Variants in GMCL1 observed in about 807,000 individuals in gnomAD.
GMCL1 encodes germ cell-less 1, spermatogenesis associated.
Under a neutral mutation model 75.5 loss-of-function variants are expected in GMCL1, and 54 were observed. The ratio of observed to expected loss-of-function variants is 0.71; its 90% CI spans 0.57 to 0.90. The LOEUF (loss-of-function observed/expected upper bound fraction) is 0.90. Among genes scored for constraint, GMCL1 ranks in the 40% least tolerant of loss-of-function variants. The pLI, the probability that GMCL1 is intolerant of heterozygous loss-of-function variation, is 0.00. For synonymous variants in GMCL1, 210 were observed against 209.6 expected (o/e 1.00, Z -0.02); for missense variants, 537 against 622.7 (o/e 0.86, Z 1.47).
At chr2:69,846,199 A>T (rs904852321) in intron 6 of GMCL1, among the ~76,000 whole-genome samples, 7 of 152,156 alleles carry the variant, frequency 4.6e-5, no homozygotes, top group Admixed American at 4.6e-4. Flanking sequence ...GTCAAGGCAT[A>T]AATAAATCAC....
intron 11 of GMCL1, among the ~76,000 whole-genome samples, chr2:69,868,292 ATGTT>A (rs1675878656): frequency 6.6e-6 from 1 of 152,136 alleles, no homozygotes; most frequent in Non-Finnish European, 1.5e-5. Context: ...CAGAAACTGT[ATGTT>A]ATTTACTGCT....
Position 69,881,244 on chromosome 2 carries a change from T to A in GMCL1, c.*2240T>A, listed in dbSNP as rs1278420785. 6.6e-6 allele frequency: 1 copy of A among 152,244 alleles called. No homozygotes were observed. Among genetic ancestry groups the A allele is most frequent in the Non-Finnish European group, 1.5e-5 (1 of 68,040 alleles). 9.4% of individuals were successfully genotyped at this position (152,244 alleles called of 1,614,324 possible). A position where few individuals can be genotyped will look rare whatever the true frequency, so the allele number is the denominator to read the frequency against. The stretch of plus-strand genomic sequence containing the variant: ...TGTTCTTATTTGAGAAGTTGATAAT[T>A]GTCAGGTAGTAATTCACACTGGTAG... On this transcript the variant is annotated 3_prime_UTR_variant, in exon 14 of 14. Coordinates refer to ENST00000282570, the MANE Select transcript of GMCL1 (RefSeq NM_178439.5).
intron 9 of GMCL1, among the ~76,000 whole-genome samples, chr2:69,859,424 A>G (rs1252491388): frequency 4.0e-5 from 6 of 151,868 alleles, no homozygotes; most frequent in Admixed American, 3.3e-4. Flanking sequence ...AATTATCTGT[A>G]CTAGACACTT....
chr2:69,865,860 C>G (rs555705130), intron 11 of GMCL1, among the ~76,000 whole-genome samples: 1 of 152,126 alleles, frequency 6.6e-6, no homozygotes, highest in South Asian at 2.1e-4. Context: ...GCCTTTAACT[C>G]CCAGGCTCAA....
At position 69,830,107 on chromosome 2, in the gene GMCL1, A is replaced by G. The variant is rs754735670; in HGVS notation, c.215A>G (p.Glu72Gly). The G allele has an allele frequency of 7.6e-6, 12 of 1,579,104 alleles. No homozygotes were observed. The highest frequency in any genetic ancestry group is 1.0e-5 in the Non-Finnish European group (12 of 1,162,036). The change falls in exon 1 of 14, where the codon GAG becomes GGG. Residue 72 changes from glutamate (E) to glycine (G), a missense_variant. This residue lies in a region of GMCL1 where 144 missense variants were observed against 127.2 expected (regional missense o/e 1.13). Coordinates refer to ENST00000282570, the MANE Select transcript of GMCL1 (RefSeq NM_178439.5). ...CCTGACTCGGAGACGGACGAGGATG[A>G]GGAGGAGGGGGACGAGCAGCAGCGG... Reference protein sequence around the residue: ...CHPDSETDEDEEEGDEQQRLL... With the variant: ...CHPDSETDEDGEEGDEQQRLL...
At chr2:69,848,523 A>G (rs938053814) in intron 7 of GMCL1, among the ~76,000 whole-genome samples, 6 of 152,288 alleles carry the variant, frequency 3.9e-5, no homozygotes, top group Non-Finnish European at 8.8e-5. Flanking sequence ...CTTGGGTAAC[A>G]TGGCAAAAAC....
chr2:69,878,893 C>G lies in GMCL1; in HGVS notation c.1453-16C>G. 1 of 1,550,172 alleles carries G rather than the reference C, an allele frequency of 6.5e-7. No individual in the cohort carries two copies. The highest frequency in any genetic ancestry group is 1.1e-5 in the South Asian group (1 of 89,092). ...TTTTATCTAATTGTCATTGAATCTA[C>G]AAATCTGTCTTATAGGAACAAGTGG... On this transcript the variant is annotated splice_polypyrimidine_tract_variant and intron_variant, in intron 13 of 13. Transcript: ENST00000282570.
At position 69,845,207 on chromosome 2, in the gene GMCL1, G is replaced by A. The variant is rs111844726; in HGVS notation, c.758+1011G>A. On this transcript the variant is annotated intron_variant, in intron 6 of 13. Coordinates refer to ENST00000282570, the MANE Select transcript of GMCL1 (RefSeq NM_178439.5). The stretch of plus-strand genomic sequence containing the variant: ...AGAGGCTCCTGCAGTCAACTGCGCC[G>A]CCTTCGTCCTCAAGCGGGACCTGGT... Among the ~76,000 whole-genome samples, 833 of 152,314 alleles carry A rather than the reference G, an allele frequency of 5.5e-3. 8 individuals carry two copies. Among genetic ancestry groups the A allele is most frequent in the African/African-American group, 0.018 (761 of 41,570 alleles).
chr2:69,862,531 G>T (rs985524152), intron 10 of GMCL1, among the ~76,000 whole-genome samples: 3 of 152,072 alleles, frequency 2.0e-5, no homozygotes, highest in African/African-American at 7.2e-5. Context: ...AGGCCGGGGT[G>T]GGTGGATCAC....
intron 12 of GMCL1, among the ~76,000 whole-genome samples, chr2:69,871,070 A>G (rs1320734139): frequency 6.6e-6 from 1 of 152,242 alleles, no homozygotes; most frequent in Non-Finnish European, 1.5e-5. Context: ...ATTTTTGTAT[A>G]CTTATGTTCA....
rs762729456 is a variant in GMCL1, at chr2:69,869,858, C to G, written c.1358C>G (p.Ala453Gly). Residue 453 changes from alanine (A) to glycine (G), a missense_variant, in exon 12 of 14, where the codon GCA becomes GGA. Ala to Gly is a moderately conservative substitution (Grantham distance 60). This residue lies in a region of GMCL1 where 345 missense variants were observed against 410.5 expected (regional missense o/e 0.84). Coordinates refer to ENST00000282570, the MANE Select transcript of GMCL1 (RefSeq NM_178439.5). ...SVSLQPRRSI[A>G]FRLRLASFDS... is the part of the protein sequence containing the mutation. ...AGTTTACAGCCTCGAAGGAGCATAG[C>G]ATTTAGGTAGGATGAGATTTCCCCA... 6.2e-7 allele frequency: 1 copy of G among 1,612,986 alleles called. No individual in the cohort carries two copies. Among genetic ancestry groups the G allele is most frequent in the African/African-American group, 1.3e-5 (1 of 74,892 alleles).
At position 69,869,815 on chromosome 2, in the gene GMCL1, C is replaced by T. The variant is rs756212072; in HGVS notation, c.1315C>T (p.Pro439Ser). Residue 439 changes from proline to serine, a missense_variant, in exon 12 of 14, where the codon CCA becomes TCA. By Grantham distance (74) the Pro-to-Ser change is moderately conservative. Transcript: ENST00000282570. ...TTTCAAACGCAATACACTGAATCAG[C>T]CATGTAGCGGATCTGTCAGTTTACA... The part of the protein sequence containing the change: ...IIFKRNTLNQ[P>S]CSGSVSLQPR... 3 of 1,613,760 alleles carry T rather than the reference C, an allele frequency of 1.9e-6. No individual in the cohort carries two copies. The highest frequency in any genetic ancestry group is 1.3e-5 in the African/African-American group (1 of 74,842).
At chr2:69,871,123 C>T (rs185864272) in intron 12 of GMCL1, among the ~76,000 whole-genome samples, 6 of 152,260 alleles carry the variant, frequency 3.9e-5, no homozygotes, top group African/African-American at 1.2e-4. Context: ...AAGCAACCCA[C>T]ATGTTCACTG....
At chr2:69,859,579 T>C (rs1480754696) in intron 9 of GMCL1, among the ~76,000 whole-genome samples, 1 of 150,822 alleles carries the variant, frequency 6.6e-6, no homozygotes, top group Non-Finnish European at 1.5e-5. Flanking sequence ...CCATAAAAAA[T>C]GGAAAAATTA....
At chr2:69,842,129 C>T (rs1474865021) in intron 4 of GMCL1, among the ~76,000 whole-genome samples, 1 of 152,074 alleles carries the variant, frequency 6.6e-6, no homozygotes, top group Non-Finnish European at 1.5e-5. Flanking sequence ...TTGTTGCATT[C>T]GTCCAAGGGA....
rs1326741612 is a variant in GMCL1, at chr2:69,878,938, G to C, written c.1482G>C (p.Arg494Ser). Residue 494 changes from arginine (R) to serine (S), a missense_variant, in exon 14 of 14, where the codon AGG becomes AGC. Physicochemically the swap from Arg to Ser is moderately radical, Grantham distance 110 (BLOSUM62 -1). Coordinates refer to ENST00000282570, the MANE Select transcript of GMCL1 (RefSeq NM_178439.5). ...AAGTGGTGATGAACTTGGACAGCAG[G>C]CTTCTGATCTTCCCTTTATATATCT... Reference protein sequence around the residue: ...QEQVVMNLDSRLLIFPLYICC... With the variant: ...QEQVVMNLDSSLLIFPLYICC... The C allele has an allele frequency of 1.9e-6, 3 of 1,610,146 alleles. No homozygotes were observed. The highest frequency in any genetic ancestry group is 1.7e-6 in the Non-Finnish European group (2 of 1,176,546).
intron 9 of GMCL1, among the ~76,000 whole-genome samples, chr2:69,855,967 C>T (rs1416665792): frequency 6.6e-6 from 1 of 152,058 alleles, no homozygotes. Context: ...TTTAAGTGTG[C>T]CTGTGATGCA....
intron 1 of GMCL1, among the ~76,000 whole-genome samples, chr2:69,834,213 A>G (rs545606160): frequency 1.5e-3 from 225 of 152,254 alleles, no homozygotes; most frequent in Non-Finnish European, 2.7e-3. Context: ...TTTTCTGAAA[A>G]AACACAGAAA....
intron 8 of GMCL1, among the ~76,000 whole-genome samples, chr2:69,853,136 A>G (rs541352541): frequency 4.3e-4 from 66 of 152,340 alleles, no homozygotes; most frequent in African/African-American, 1.6e-3. Flanking sequence ...GACAATCCAG[A>G]ATTAGATTTT....
Sources: gnomAD v4.1 joint callset for allele counts (sites outside exome capture counted in the v4.1 genomes callset) on GRCh38, gnomAD v4.1.1 for gene constraint, gnomAD v4.1.1 regional missense constraint, MANE v1.5 for transcripts, NCBI Gene and HGNC (gene_info 2026-07-23, HGNC 2026-07-21) for gene names.